Variants in SYCP2 observed in about 807,000 individuals in gnomAD.
SYCP2 encodes synaptonemal complex protein 2.
Under a neutral mutation model 211.3 loss-of-function variants are expected in SYCP2, and 55 were observed. The observed-to-expected ratio is 0.26, with a 90% CI of 0.21 to 0.33. The LOEUF is 0.33. Ranked by LOEUF, SYCP2 falls within the 10% of genes least tolerant of loss-of-function variation. The pLI is 1.00. For synonymous variants in SYCP2, 570 were observed against 555.2 expected, an observed-to-expected ratio of 1.03 and a Z score of -0.37; for missense variants, 1,731 against 1,752.0, an observed-to-expected ratio of 0.99 and a Z score of 0.21.
chr20:59,927,142 G>A (rs1419844769), intron 2 of SYCP2, among the ~76,000 whole-genome samples: 1 of 152,134 alleles, frequency 6.6e-6, no homozygotes, highest in African/African-American at 2.4e-5. Context: ...GATTTGTTGA[G>A]AATGTGTCTT....
chr20:59,872,376 C>T (rs898302936), intron 35 of SYCP2, among the ~76,000 whole-genome samples: 1 of 151,926 alleles, frequency 6.6e-6, no homozygotes, highest in Non-Finnish European at 1.5e-5. Flanking sequence ...CAAGTAATAG[C>T]CATCTCAGTT....
At chr20:59,907,233 T>C in intron 15 of SYCP2, 131 bp downstream of exon 15, 1 of 649,052 alleles carries the variant, frequency 1.5e-6, no homozygotes, top group Non-Finnish European at 2.7e-6. Flanking sequence ...GTTTGATGAA[T>C]TTCTGAATGT....
intron 20 of SYCP2, 38 bp from the exon 21 acceptor site, chr20:59,893,631 T>C (rs2059951890): frequency 6.7e-7 from 1 of 1,491,060 alleles, no homozygotes; most frequent in Non-Finnish European, 9.2e-7. Flanking sequence ...AAACTTAAGA[T>C]GTTATATGAA....
intron 2 of SYCP2, 26 bp from the exon 3 acceptor site, chr20:59,922,485 G>T: frequency 3.5e-6 from 4 of 1,129,408 alleles, no homozygotes; most frequent in Non-Finnish European, 5.1e-6. Context: ...TATATTTTCT[G>T]TATCTCACAA....
In SYCP2 at chr20:59,873,875, A is replaced by T. The variant is rs1439387658; in HGVS notation, c.3536T>A (p.Ile1179Asn). 13 of 1,610,908 alleles carry T rather than the reference A, an allele frequency of 8.1e-6. No homozygotes were observed. Among genetic ancestry groups the T allele is most frequent in the Non-Finnish European group, 1.1e-5 (13 of 1,178,942 alleles). The change falls in exon 35 of 45, where the codon ATT becomes AAT. Residue 1179 changes from isoleucine (I) to asparagine (N), a missense_variant. This residue lies in a region of SYCP2 where 1,387 missense variants were observed against 1,351.3 expected (regional missense o/e 1.03). Coordinates refer to ENST00000357552, the MANE Select transcript of SYCP2 (RefSeq NM_014258.4). Reference protein sequence around the residue: ...FLCASESCSPIPRPLFLPRHT... With the variant: ...FLCASESCSPNPRPLFLPRHT... ...TCTCACCAAAAACAGTGGTCGTGGA[A>T]TTGGTGAACAACTTTCACTTGCACA...
intron 33 of SYCP2, among the ~76,000 whole-genome samples, chr20:59,875,864 GCACAGGTCTTTTTTGGGAGT>G (rs2059544514): frequency 6.6e-6 from 1 of 152,058 alleles, no homozygotes; most frequent in Non-Finnish European, 1.5e-5. Flanking sequence ...GAGTTGAGAG[GCACAGGTCTTTTTTGGGAGT>G]CACAGGTTAT....
Position 59,881,504 on chromosome 20 carries a change from A to G in SYCP2, c.2659-12T>C. On this transcript the variant is annotated splice_polypyrimidine_tract_variant and intron_variant, in intron 28 of 44. Transcript: ENST00000357552. ...TGAAACTCTTGGATCTATATTGTAA[A>G]TAAACAAAAAAAAAGAGGTGTCAGT... is the stretch of plus-strand genomic sequence containing the variant. 7.0e-7 allele frequency: 1 copy of G among 1,421,284 alleles called. No individual in the cohort carries two copies. The highest frequency in any genetic ancestry group is 1.5e-5 in the African/African-American group (1 of 67,504). The allele number at this position is 1,421,284 out of a possible 1,614,324, so 88.0% of individuals were successfully genotyped here.
At chr20:59,869,205 TGAG>T (rs2059404733) in intron 36 of SYCP2, among the ~76,000 whole-genome samples, 1 of 151,826 alleles carries the variant, frequency 6.6e-6, no homozygotes, top group Non-Finnish European at 1.5e-5. Flanking sequence ...AGTCAGGAAA[TGAG>T]GAGCCACAGA....
At position 59,916,509 on chromosome 20, in the gene SYCP2, C is replaced by T; in HGVS notation, c.490G>A (p.Val164Met). ...ACCTCTTGCTGAATACAAATATTCA[C>T]TCTTGAGTCAATAACCAGGGAACAA... ...RICSLVIDSR[V>M]NICIQQEIIK... is the part of the protein sequence containing the mutation. The change falls in exon 8 of 45, where the codon GTG becomes ATG. Residue 164 changes from valine (V) to methionine (M), a missense_variant. Val to Met is a conservative substitution (Grantham distance 21). This residue lies in a region of SYCP2 where 335 missense variants were observed against 378.8 expected (regional missense o/e 0.88). Coordinates refer to ENST00000357552, the MANE Select transcript of SYCP2 (RefSeq NM_014258.4). 3 of 1,610,232 alleles carry T rather than the reference C, an allele frequency of 1.9e-6. No homozygotes were observed. The highest frequency in any genetic ancestry group is 2.5e-6 in the Non-Finnish European group (3 of 1,176,712).
intron 33 of SYCP2, among the ~76,000 whole-genome samples, chr20:59,876,412 GAAGAA>G (rs2059560064): frequency 1.8e-5 from 1 of 56,058 alleles, no homozygotes; most frequent in African/African-American, 5.9e-5. Context: ...AAAAAAAAAA[GAAGAA>G]GTGATAGAAA....
At chr20:59,929,099 T>C (rs1276575940) in intron 2 of SYCP2, among the ~76,000 whole-genome samples, 1 of 151,402 alleles carries the variant, frequency 6.6e-6, no homozygotes, top group Non-Finnish European at 1.5e-5. Flanking sequence ...ACAGCAAAAA[T>C]GGAAAAGAAG....
chr20:59,895,293 T>C, intron 20 of SYCP2, 144 bp downstream of exon 20: 1 of 628,400 alleles, frequency 1.6e-6, no homozygotes, highest in Admixed American at 3.6e-5. Context: ...GACCCTACTT[T>C]CAAGGGCAAT....
At position 59,881,501 on chromosome 20, in the gene SYCP2, T is replaced by C; in HGVS notation, c.2659-9A>G. On this transcript the variant is annotated splice_polypyrimidine_tract_variant and intron_variant, in intron 28 of 44. Transcript: ENST00000357552. ...GCTTGAAACTCTTGGATCTATATTGTAAATAAACAAAAAAAAAGAGGTGTC... is the reference window on the plus strand; with the variant it reads ...GCTTGAAACTCTTGGATCTATATTGCAAATAAACAAAAAAAAAGAGGTGTC... The C allele has an allele frequency of 7.0e-7, 1 of 1,424,102 alleles. No homozygotes were observed. The allele number at this position is 1,424,102 out of a possible 1,614,324, so 88.2% of individuals were successfully genotyped here.
intron 26 of SYCP2, among the ~76,000 whole-genome samples, chr20:59,883,614 G>C (rs1407247103): frequency 1.3e-5 from 2 of 150,644 alleles, no homozygotes; most frequent in Non-Finnish European, 2.9e-5. Flanking sequence ...AATACTGCAT[G>C]ATCTCCCTTA....
chr20:59,916,620 T>G (rs1274848237), intron 7 of SYCP2, 49 bp from the exon 8 acceptor site: 3 of 1,226,328 alleles, frequency 2.4e-6, no homozygotes, highest in Non-Finnish European at 2.4e-6. Context: ...CAAATCCTCT[T>G]AACTGTCAGT....
chr20:59,901,853 T>C, intron 15 of SYCP2, 43 bp from the exon 16 acceptor site: 2 of 1,438,736 alleles, frequency 1.4e-6, no homozygotes, highest in South Asian at 1.5e-5. Flanking sequence ...TCTATGATAC[T>C]ACTCTGCAAG....
At position 59,919,173 on chromosome 20, in the gene SYCP2, C is replaced by G; in HGVS notation, c.412G>C (p.Asp138His). The G allele has an allele frequency of 1.6e-6, 2 of 1,269,094 alleles. No individual in the cohort carries two copies. Among genetic ancestry groups the G allele is most frequent in the Non-Finnish European group, 1.1e-6 (1 of 890,634 alleles). 78.6% of individuals were successfully genotyped at this position (1,269,094 alleles called of 1,614,324 possible). ...DLVDLLLVIHDVSDEGKKQVV... is the reference protein window; with the variant it reads ...DLVDLLLVIHHVSDEGKKQVV... ...TTTATTATACCTTCATCACTGACATCATGTATGACCTGAAAAAAAGTGAAT... is the reference window on the plus strand; with the variant it reads ...TTTATTATACCTTCATCACTGACATGATGTATGACCTGAAAAAAAGTGAAT... The change falls in exon 7 of 45, where the codon GAT becomes CAT. Residue 138 changes from aspartate (D) to histidine (H), a missense_variant. Physicochemically the swap from Asp to His is moderately conservative, Grantham distance 81. Coordinates refer to ENST00000357552, the MANE Select transcript of SYCP2 (RefSeq NM_014258.4).
Position 59,868,841 on chromosome 20 carries a change from C to T in SYCP2, c.3826G>A (p.Val1276Ile). The change falls in exon 37 of 45, where the codon GTA becomes ATA. Residue 1276 changes from valine to isoleucine, a missense_variant. This residue lies in a region of SYCP2 where 1,387 missense variants were observed against 1,351.3 expected (regional missense o/e 1.03). Coordinates refer to ENST00000357552, the MANE Select transcript of SYCP2 (RefSeq NM_014258.4). ...CAAGACTATGACTACAAACCTGATACATGAGTAGCATCACAGGGCATGTCA... is the reference window on the plus strand; with the variant it reads ...CAAGACTATGACTACAAACCTGATATATGAGTAGCATCACAGGGCATGTCA... ...WFDMPCDATHVSGPTQHLSRK... is the reference protein window; with the variant it reads ...WFDMPCDATHISGPTQHLSRK... 1 of 1,606,932 alleles carries T rather than the reference C, an allele frequency of 6.2e-7. No homozygotes were observed. Among genetic ancestry groups the T allele is most frequent in the Non-Finnish European group, 8.5e-7 (1 of 1,176,402 alleles).
intron 2 of SYCP2, among the ~76,000 whole-genome samples, chr20:59,924,945 A>G (rs148585870): frequency 5.5e-4 from 83 of 152,042 alleles, no homozygotes; most frequent in African/African-American, 1.9e-3. Context: ...CTGGATGTTC[A>G]TAAGAAATAT....
Sources: allele counts gnomAD v4.1 joint callset (sites outside exome capture counted in the v4.1 genomes callset), GRCh38; gene constraint gnomAD v4.1.1; regional missense constraint gnomAD v4.1.1; transcripts MANE v1.5; gene names NCBI Gene and HGNC (gene_info 2026-07-23, HGNC 2026-07-21).